Variants in NLGN1 observed in about 807,000 individuals in gnomAD.
NLGN1 encodes neuroligin-1.
Under a neutral mutation model 65.5 loss-of-function variants are expected in NLGN1, and 12 were observed. That is an observed-to-expected ratio of 0.18 (90% CI 0.12 to 0.30). NLGN1 has a LOEUF of 0.30. Ranked by LOEUF, NLGN1 falls within the 10% of genes least tolerant of loss-of-function variation. The probability of loss-of-function intolerance (pLI) is 1.00; values close to 1 mark genes in which losing one functional copy is unlikely to be tolerated. For missense variants in NLGN1, 750 were observed against 1,007.1 expected (o/e 0.74, Z 3.46); for synonymous variants, 350 against 359.5 (o/e 0.97, Z 0.30).
At chr3:173,632,194 T>A (rs1755795210) in intron 3 of NLGN1, among the ~76,000 whole-genome samples, 1 of 152,280 alleles carries the variant, frequency 6.6e-6, no homozygotes, top group Non-Finnish European at 1.5e-5. Context: ...AACATATTCA[T>A]TTTGCTGAGG....
chr3:174,104,539 A>T (rs1282671011), intron 4 of NLGN1, among the ~76,000 whole-genome samples: 1 of 152,210 alleles, frequency 6.6e-6, no homozygotes, highest in Non-Finnish European at 1.5e-5. Context: ...TGTTTTTAAA[A>T]TACAGCATGT....
rs1480609575 is a variant in NLGN1 at position 173,581,513 on chromosome 3, A to G, written c.-320-22766A>G. On this transcript the variant is annotated intron_variant, in intron 2 of 6. Coordinates refer to ENST00000457714, the Ensembl canonical transcript of NLGN1. ...GGCCCTGTTACTATTTGTGAGATCAAAGGAAAATACAAGAAAGAGCTAGTT... is the reference window on the plus strand; with the variant it reads ...GGCCCTGTTACTATTTGTGAGATCAGAGGAAAATACAAGAAAGAGCTAGTT... Among the ~76,000 whole-genome samples, 4 of 152,132 alleles carry G rather than the reference A, an allele frequency of 2.6e-5. 1 individual carries two copies.
In NLGN1 at chr3:174,218,315, A is replaced by AT. The variant is rs200980629; in HGVS notation, c.647-56990dup. 8.9e-3 allele frequency among the ~76,000 whole-genome samples: 1,348 copies of AT among 151,372 alleles called. 11 individuals are homozygous for AT. Among genetic ancestry groups the AT allele is most frequent in the Non-Finnish European group, 0.014 (929 of 67,672 alleles). On this transcript the variant is annotated intron_variant, in intron 4 of 6. Coordinates refer to ENST00000457714, the Ensembl canonical transcript of NLGN1. ...AGACAATAAAAATGTTCCCAGTACA[A>AT]TTTTTTTTTTCCAGTATTGCTGCAT... is the stretch of plus-strand genomic sequence containing the variant.
chr3:173,854,239 G>A (rs969680134), intron 4 of NLGN1, among the ~76,000 whole-genome samples: 3 of 151,788 alleles, frequency 2.0e-5, no homozygotes, highest in Non-Finnish European at 4.4e-5. Flanking sequence ...TAGCCACTTA[G>A]GAACTCATTT....
intron 4 of NLGN1, among the ~76,000 whole-genome samples, chr3:174,066,564 C>CTCTGTG (rs1553925385): frequency 8.9e-4 from 89 of 100,088 alleles, no homozygotes; most frequent in Admixed American, 1.6e-3. Context: ...CTCTCTCTCT[C>CTCTGTG]TGTGTGTGTG....
intron 4 of NLGN1, among the ~76,000 whole-genome samples, chr3:173,830,297 T>G (rs571212843): frequency 1.3e-5 from 2 of 152,254 alleles, no homozygotes; most frequent in Admixed American, 6.5e-5. Flanking sequence ...ATGTAGCCAG[T>G]GAAGCAGAGA....
chr3:174,088,839 A>G (rs1206448420), intron 4 of NLGN1, among the ~76,000 whole-genome samples: 1 of 151,924 alleles, frequency 6.6e-6, no homozygotes, highest in Non-Finnish European at 1.5e-5. Flanking sequence ...TTAAAAATCA[A>G]CAAGGATCCA....
chr3:173,879,636 GTGT>G (rs200024928), intron 4 of NLGN1, among the ~76,000 whole-genome samples: 2,363 of 145,216 alleles, frequency 0.016, 62 homozygotes, highest in African/African-American at 0.052. Context: ...TTTTTTCTGT[GTGT>G]TTTTTTTTTT....
At chr3:173,751,655 T>G (rs1474992249) in intron 3 of NLGN1, among the ~76,000 whole-genome samples, 2 of 152,014 alleles carry the variant, frequency 1.3e-5, no homozygotes, top group African/African-American at 4.8e-5. Context: ...AATCAACAAT[T>G]TTGTTGTGTA....
At chr3:174,067,069 T>C (rs1168889156) in intron 4 of NLGN1, among the ~76,000 whole-genome samples, 1 of 152,134 alleles carries the variant, frequency 6.6e-6, no homozygotes, top group Non-Finnish European at 1.5e-5. Flanking sequence ...ACTGTTTCAC[T>C]GAGAGAAGTT....
At chr3:174,029,462 T>TACCC (rs1238786556) in intron 4 of NLGN1, among the ~76,000 whole-genome samples, 2 of 152,216 alleles carry the variant, frequency 1.3e-5, no homozygotes, top group Non-Finnish European at 2.9e-5. Context: ...CCAATGCCTG[T>TACCC]ACCCCCATTG....
At chr3:173,921,700 A>G (rs1046833468) in intron 4 of NLGN1, among the ~76,000 whole-genome samples, 6 of 152,086 alleles carry the variant, frequency 3.9e-5, no homozygotes, top group Non-Finnish European at 8.8e-5. Flanking sequence ...ACTTGAAATG[A>G]GCTGAACCCT....
intron 2 of NLGN1, among the ~76,000 whole-genome samples, chr3:173,478,756 A>G (rs1400310429): frequency 4.0e-5 from 6 of 151,868 alleles, no homozygotes; most frequent in Non-Finnish European, 7.4e-5. Context: ...CCTAGTCTCT[A>G]CTAAAAATAA....
Position 174,250,778 on chromosome 3 carries a change from G to A in NLGN1, c.647-24537G>A, listed in dbSNP as rs192813337. On this transcript the variant is annotated intron_variant, in intron 4 of 6. Coordinates refer to ENST00000457714, the Ensembl canonical transcript of NLGN1. ...CATCTCGGGGGAAAGAAGCAGCTGT[G>A]ACCCAGAATATATAGATAATCAAAT... is the stretch of plus-strand genomic sequence containing the variant. 1.1e-3 allele frequency among the ~76,000 whole-genome samples: 169 copies of A among 152,028 alleles called. 1 individual carries two copies. Among genetic ancestry groups the A allele is most frequent in the African/African-American group, 3.8e-3 (157 of 41,482 alleles).
At chr3:173,531,380 G>A (rs902240111) in intron 2 of NLGN1, among the ~76,000 whole-genome samples, 1 of 151,850 alleles carries the variant, frequency 6.6e-6, no homozygotes, top group Non-Finnish European at 1.5e-5. Context: ...TTATATTATT[G>A]CTTATTCTCT....
chr3:173,667,308 A>G lies in NLGN1; in HGVS notation c.493+62217A>G, dbSNP rs1284637586. Among the ~76,000 whole-genome samples, 5 of 151,854 alleles carry G rather than the reference A, an allele frequency of 3.3e-5. No homozygotes were observed. In the East Asian group the frequency reaches 9.7e-4, roughly 29 times the overall value. ...GATGTTCTGATTATTCCCTTAGGAT[A>G]CATTTTAACAGATAAAATTGTGGGA... On this transcript the variant is annotated intron_variant, in intron 3 of 6. Coordinates refer to ENST00000457714, the Ensembl canonical transcript of NLGN1.
intron 3 of NLGN1, among the ~76,000 whole-genome samples, chr3:173,622,826 T>C (rs1289921925): frequency 1.3e-5 from 2 of 152,118 alleles, no homozygotes; most frequent in Non-Finnish European, 2.9e-5. Flanking sequence ...AGAATAATTA[T>C]TTATTGTTTG....
At chr3:173,988,772 T>C (rs1407826568) in intron 4 of NLGN1, among the ~76,000 whole-genome samples, 2 of 152,072 alleles carry the variant, frequency 1.3e-5, no homozygotes, top group African/African-American at 4.8e-5. Flanking sequence ...CTTTCTTCAA[T>C]TGAATGGATT....
chr3:173,499,859 C>T (rs906482212), intron 2 of NLGN1, among the ~76,000 whole-genome samples: 1 of 151,746 alleles, frequency 6.6e-6, no homozygotes, highest in Non-Finnish European at 1.5e-5. Flanking sequence ...CTCTGTTTGT[C>T]TGTTATTGGT....
Sources: gnomAD v4.1 joint callset for allele counts (sites outside exome capture counted in the v4.1 genomes callset) on GRCh38, gnomAD v4.1.1 for gene constraint, MANE v1.5 for transcripts, NCBI Gene and HGNC (gene_info 2026-07-23, HGNC 2026-07-21) for gene names.